The following TBC1D19 variants were observed in gnomAD, a reference collection of about 807,000 sequenced individuals.
The protein encoded by TBC1D19 is TBC1 domain family member 19, also known as TBC1 domain family, member 19.
Under a neutral mutation model 89.0 loss-of-function variants are expected in TBC1D19, and 60 were observed. The observed-to-expected ratio is 0.67, with a 90% CI of 0.55 to 0.84. The LOEUF (loss-of-function observed/expected upper bound fraction) is 0.84, where lower values mean the gene tolerates loss of function less well. TBC1D19 is among the 40% of genes least tolerant of loss of function. The pLI, the probability that TBC1D19 is intolerant of heterozygous loss-of-function variation, is 0.00. For missense variants in TBC1D19, 500 were observed against 610.8 expected (o/e 0.82, Z 1.91); for synonymous variants, 189 against 199.7 (o/e 0.95, Z 0.45).
At chr4:26,654,318 A>T (rs1744629445) in intron 7 of TBC1D19, among the ~76,000 whole-genome samples, 1 of 151,994 alleles carries the variant, frequency 6.6e-6, no homozygotes, top group Non-Finnish European at 1.5e-5. Context: ...ATTTTCCTTC[A>T]TTTCAACTTT....
chr4:26,702,111 G>A (rs1020422937), intron 13 of TBC1D19, among the ~76,000 whole-genome samples: 1 of 152,164 alleles, frequency 6.6e-6, no homozygotes, highest in South Asian at 2.1e-4. Flanking sequence ...GTCAGTGAGG[G>A]CATCTGTTTT....
chr4:26,600,237 C>T, intron 1 of TBC1D19, among the ~76,000 whole-genome samples: 1 of 152,154 alleles, frequency 6.6e-6, no homozygotes, highest in Middle Eastern at 3.2e-3. Context: ...TGTCCTAAGT[C>T]AAGAACCCTG....
the TBC1D19 span, among the ~76,000 whole-genome samples, chr4:26,803,034 C>T: frequency 6.6e-6 from 1 of 152,138 alleles, no homozygotes; most frequent in African/African-American, 2.4e-5. Flanking sequence ...CTCATGATTT[C>T]ATTTTCTCCT....
the TBC1D19 span, among the ~76,000 whole-genome samples, chr4:26,818,394 AT>A: frequency 1.3e-5 from 2 of 151,794 alleles, no homozygotes; most frequent in Middle Eastern, 3.4e-3. Context: ...TGCCTGGCTA[AT>A]TTTTTGTATT....
In TBC1D19 at chr4:26,584,111, A is replaced by G; in HGVS notation, c.-83A>G. The G allele has an allele frequency of 1.5e-6, 2 of 1,370,280 alleles. No homozygotes were observed. Among genetic ancestry groups the G allele is most frequent in the East Asian group, 2.4e-5 (1 of 41,328 alleles). 84.9% of individuals were successfully genotyped at this position (1,370,280 alleles called of 1,614,324 possible). On this transcript the variant is annotated 5_prime_UTR_variant, in exon 1 of 21. Coordinates refer to ENST00000264866, the MANE Select transcript of TBC1D19 (RefSeq NM_018317.4). ...TGTAATAAGGTCCCGGAGAAGTGTC[A>G]CTGGCCCTGAGTGGGACCCGGTAGC...
At chr4:26,653,299 A>G (rs1007552447) in intron 7 of TBC1D19, among the ~76,000 whole-genome samples, 1 of 152,188 alleles carries the variant, frequency 6.6e-6, no homozygotes, top group Non-Finnish European at 1.5e-5. Flanking sequence ...TATGTGATCA[A>G]TTTTGAAATA....
the TBC1D19 span, among the ~76,000 whole-genome samples, chr4:26,785,695 C>CTG: frequency 1.2e-4 from 18 of 151,146 alleles, 1 homozygote; most frequent in South Asian, 1.3e-3. Context: ...CAGACGTACA[C>CTG]TGTGTGTGTG....
chr4:26,739,283 G>T (rs1718214039), intron 16 of TBC1D19, among the ~76,000 whole-genome samples: 1 of 152,152 alleles, frequency 6.6e-6, no homozygotes, highest in Non-Finnish European at 1.5e-5. Flanking sequence ...AATCCTTTCT[G>T]CCTAAGGATT....
the TBC1D19 span, among the ~76,000 whole-genome samples, chr4:26,792,191 G>C: frequency 6.6e-6 from 1 of 150,892 alleles, no homozygotes; most frequent in African/African-American, 2.4e-5. Context: ...CCTGGTTGTT[G>C]TGTGTAACGT....
chr4:26,670,382 C>T (rs1427288465), intron 9 of TBC1D19, among the ~76,000 whole-genome samples: 2 of 151,368 alleles, frequency 1.3e-5, no homozygotes, highest in South Asian at 2.1e-4. Flanking sequence ...AGTGAAAAAA[C>T]AGCTTTATGG....
chr4:26,848,637 G>A, the TBC1D19 span, among the ~76,000 whole-genome samples: 2 of 152,108 alleles, frequency 1.3e-5, no homozygotes, highest in African/African-American at 4.8e-5. Context: ...TGAGCTCCCT[G>A]GCAGCCAAAA....
the TBC1D19 span, among the ~76,000 whole-genome samples, chr4:26,825,560 G>A: frequency 6.6e-6 from 1 of 152,152 alleles, no homozygotes; most frequent in African/African-American, 2.4e-5. Flanking sequence ...AACACTCATT[G>A]TTCACTGTTT....
chr4:26,718,934 C>T (rs1208122877), intron 14 of TBC1D19, among the ~76,000 whole-genome samples: 1 of 152,030 alleles, frequency 6.6e-6, no homozygotes, highest in Non-Finnish European at 1.5e-5. Flanking sequence ...CACAATACCC[C>T]ATATTCGTTC....
chr4:26,628,451 G>T (rs527953026), intron 4 of TBC1D19, among the ~76,000 whole-genome samples: 1 of 152,246 alleles, frequency 6.6e-6, no homozygotes, highest in Admixed American at 6.6e-5. Context: ...GATGGCACAA[G>T]ACAGGGATGC....
the TBC1D19 span, among the ~76,000 whole-genome samples, chr4:26,833,030 T>C: frequency 6.6e-6 from 1 of 151,972 alleles, no homozygotes; most frequent in Admixed American, 6.6e-5. Flanking sequence ...AAAACAAATA[T>C]ACCACATAAA....
intron 1 of TBC1D19, among the ~76,000 whole-genome samples, chr4:26,602,366 A>G (rs1476740028): frequency 2.0e-5 from 3 of 152,040 alleles, no homozygotes. Context: ...CACAAAAGCA[A>G]TGGTGATGTG....
chr4:26,662,985 T>G (rs1172383547), intron 8 of TBC1D19: 1 of 152,088 alleles, frequency 6.6e-6, no homozygotes, highest in Non-Finnish European at 1.5e-5. Flanking sequence ...AAAGAGAAGT[T>G]CCAGGACAAA....
intron 3 of TBC1D19, among the ~76,000 whole-genome samples, chr4:26,618,376 A>G (rs1272376815): frequency 6.6e-6 from 1 of 152,222 alleles, no homozygotes; most frequent in Non-Finnish European, 1.5e-5. Context: ...CTCAGGGGAA[A>G]GAGTAGAGAA....
chr4:26,807,449 C>G, the TBC1D19 span, among the ~76,000 whole-genome samples: 1 of 152,208 alleles, frequency 6.6e-6, no homozygotes, highest in South Asian at 2.1e-4. Context: ...CCTGCCCTCT[C>G]TAGGGAAATC....
Sources: gnomAD v4.1 joint callset for allele counts (sites outside exome capture counted in the v4.1 genomes callset) on GRCh38, gnomAD v4.1.1 for gene constraint, MANE v1.5 for transcripts, NCBI Gene and HGNC (gene_info 2026-07-23, HGNC 2026-07-21) for gene names.